UPP2: variants seen among roughly 807,000 people sequenced by gnomAD.
UPP2 encodes the protein UPase 2.
A neutral mutation model predicts 26.7 loss-of-function variants in UPP2; 23 were observed. The ratio of observed to expected loss-of-function variants is 0.86; its 90% CI spans 0.62 to 1.22. UPP2 has a LOEUF of 1.22. UPP2 is among the 50% of genes most tolerant of loss of function. The pLI is 0.00. For synonymous variants in UPP2, 127 were observed against 141.3 expected (o/e 0.90, Z 0.72); for missense variants, 387 against 396.7 (o/e 0.98, Z 0.21).
intron 3 of UPP2, among the ~76,000 whole-genome samples, chr2:158,054,503 T>A (rs1682217128): frequency 6.6e-6 from 1 of 152,046 alleles, no homozygotes; most frequent in Non-Finnish European, 1.5e-5. Context: ...TTGAAAGTCA[T>A]TTTCCTCTGA....
upstream of UPP2, among the ~76,000 whole-genome samples, chr2:158,101,385 G>A (rs965406387): frequency 5.3e-5 from 8 of 152,176 alleles, no homozygotes; most frequent in African/African-American, 1.9e-4. Flanking sequence ...TAAAGAAAGA[G>A]GCCCTGGGAA....
intron 3 of UPP2, among the ~76,000 whole-genome samples, chr2:158,061,627 C>T (rs1682353267): frequency 6.6e-6 from 1 of 152,206 alleles, no homozygotes. Context: ...GGGGCGGGGC[C>T]ACCTACATCT....
chr2:158,015,353 T>G (rs1034794383), intron 2 of UPP2, among the ~76,000 whole-genome samples: 2 of 152,228 alleles, frequency 1.3e-5, no homozygotes, highest in African/African-American at 4.8e-5. Flanking sequence ...TTTTTGTGAC[T>G]GGCTTATTTC....
At chr2:158,116,164 C>G (rs1358228878) in intron 3 of UPP2, among the ~76,000 whole-genome samples, 1 of 152,192 alleles carries the variant, frequency 6.6e-6, no homozygotes. Flanking sequence ...AAATTGCTCT[C>G]CTCTCTGGGC....
intron 6 of UPP2, among the ~76,000 whole-genome samples, chr2:158,130,061 A>G (rs944292100): frequency 7.9e-5 from 12 of 152,136 alleles, no homozygotes; most frequent in African/African-American, 2.4e-4. Context: ...AAATGCTGGA[A>G]TTACAGGCAT....
chr2:158,125,759 T>G (rs1683680064), intron 6 of UPP2, among the ~76,000 whole-genome samples: 1 of 152,158 alleles, frequency 6.6e-6, no homozygotes, highest in African/African-American at 2.4e-5. Flanking sequence ...TAGTATCCTC[T>G]TTTAGAGAAC....
intron 3 of UPP2, among the ~76,000 whole-genome samples, chr2:158,090,496 G>A (rs565252563): frequency 6.6e-6 from 1 of 151,656 alleles, no homozygotes; most frequent in Non-Finnish European, 1.5e-5. Flanking sequence ...GTGAGACTCC[G>A]TCTCAAAAAA....
intron 3 of UPP2, among the ~76,000 whole-genome samples, chr2:158,076,385 C>T (rs1389566506): frequency 6.6e-6 from 1 of 151,972 alleles, no homozygotes; most frequent in Non-Finnish European, 1.5e-5. Flanking sequence ...AAACTATAGA[C>T]CAATATTTCT....
intron 3 of UPP2, among the ~76,000 whole-genome samples, chr2:158,072,864 C>G (rs1391827115): frequency 2.0e-5 from 3 of 152,104 alleles, no homozygotes; most frequent in African/African-American, 4.8e-5. Context: ...GAAAGATGGG[C>G]ACAAACAAGC....
At chr2:158,006,472 G>A (rs1486914975) in intron 2 of UPP2, among the ~76,000 whole-genome samples, 3 of 74,826 alleles carry the variant, frequency 4.0e-5, no homozygotes, top group Non-Finnish European at 4.7e-5. Flanking sequence ...GCGAGACTCC[G>A]TCTCAAAAAA....
rs144716078 is a variant in UPP2, at chr2:158,023,949, T to C, written c.147+8063T>C. Among the ~76,000 whole-genome samples, 205 of 152,256 alleles carry C rather than the reference T, an allele frequency of 1.3e-3. 1 individual carries two copies. The East Asian group carries it at 0.015, about 11-fold the overall frequency. Reference sequence around the variant, plus strand: ...CCTCCCTCCCAGGGCCCAAGGGAGATTGCCTGCGTCAAAAGCATTTCATAT... The same window carrying C: ...CCTCCCTCCCAGGGCCCAAGGGAGACTGCCTGCGTCAAAAGCATTTCATAT... On this transcript the variant is annotated intron_variant, in intron 3 of 9. Transcript: ENST00000605860.
chr2:158,099,231 T>C (rs1332243897), upstream of UPP2, among the ~76,000 whole-genome samples: 1 of 152,194 alleles, frequency 6.6e-6, no homozygotes, highest in African/African-American at 2.4e-5. Flanking sequence ...TCCTGGAGCA[T>C]GGTGTATGCT....
intron 3 of UPP2, among the ~76,000 whole-genome samples, chr2:158,081,105 A>C (rs1329041444): frequency 6.6e-6 from 1 of 152,230 alleles, no homozygotes; most frequent in East Asian, 1.9e-4. Context: ...AGGAAAATAA[A>C]GAATGGATAC....
chr2:158,020,277 T>C (rs933709378), intron 3 of UPP2, among the ~76,000 whole-genome samples: 1 of 152,240 alleles, frequency 6.6e-6, no homozygotes, highest in African/African-American at 2.4e-5. Flanking sequence ...TCTTCGACTG[T>C]CCATGGTCCT....
intron 2 of UPP2, among the ~76,000 whole-genome samples, chr2:158,002,843 A>C (rs957267475): frequency 6.6e-6 from 1 of 152,210 alleles, no homozygotes; most frequent in Non-Finnish European, 1.5e-5. Context: ...CCGTTGTGAC[A>C]TTAGTGGTGA....
chr2:158,089,513 T>G (rs139521785), intron 3 of UPP2, among the ~76,000 whole-genome samples: 182 of 152,336 alleles, frequency 1.2e-3, no homozygotes, highest in African/African-American at 4.2e-3. Context: ...CCCCAACTTC[T>G]GTCCAGGAAA....
chr2:157,995,285 A>C, intron 2 of UPP2: 3 of 1,611,030 alleles, frequency 1.9e-6, no homozygotes, highest in Non-Finnish European at 2.5e-6. Context: ...GGAGAAATAC[A>C]TTCATGTCTA....
intron 3 of UPP2, among the ~76,000 whole-genome samples, chr2:158,082,524 G>T (rs1344995652): frequency 6.6e-6 from 1 of 152,080 alleles, no homozygotes; most frequent in African/African-American, 2.4e-5. Flanking sequence ...AACTGAAACT[G>T]GACCCCTTCC....
At position 158,117,875 on chromosome 2, in the gene UPP2, T is replaced by G. The variant is rs1683475071; in HGVS notation, c.391T>G (p.Leu131Val). The change falls in exon 4 of 7, where the codon TTA (leucine) becomes GTA (valine). Residue 131 changes from leucine to valine, a missense_variant. By Grantham distance (32) the Leu-to-Val change is conservative. Transcript: ENST00000005756. ...TATTATGCTTCATGAACTCATCAAA[T>G]TACTCCACCATGCACGGTGCTGCGA... ...ISIMLHELIK[L>V]LHHARCCDVT... 1 of 1,613,182 alleles carries G rather than the reference T, an allele frequency of 6.2e-7. No individual in the cohort carries two copies. Among genetic ancestry groups the G allele is most frequent in the Non-Finnish European group, 8.5e-7 (1 of 1,179,312 alleles).
Sources: allele counts gnomAD v4.1 joint callset (sites outside exome capture counted in the v4.1 genomes callset), GRCh38; gene constraint gnomAD v4.1.1; transcripts MANE v1.5; gene names NCBI Gene and HGNC (gene_info 2026-07-23, HGNC 2026-07-21).